Variants in TANC2 observed in about 807,000 individuals in gnomAD.
TANC2 encodes tetratricopeptide repeat, ankyrin repeat and coiled-coil containing 2, also known as protein TANC2.
A neutral mutation model predicts 210.5 loss-of-function variants in TANC2; 26 were observed. The ratio of observed to expected loss-of-function variants is 0.12; its 90% confidence interval spans 0.09 to 0.17. The LOEUF (loss-of-function observed/expected upper bound fraction) is 0.17. Ranked by LOEUF, TANC2 falls within the 10% of genes least tolerant of loss-of-function variation. TANC2 has a pLI of 1.00. For synonymous variants in TANC2, 931 were observed against 967.1 expected, an observed-to-expected ratio of 0.96 and a Z score of 0.69; for missense variants, 2,129 against 2,608.9, an observed-to-expected ratio of 0.82 and a Z score of 4.01.
chr17:63,013,420 A>C (rs1227572587), intron 2 of TANC2, among the ~76,000 whole-genome samples: 1 of 151,980 alleles, frequency 6.6e-6, no homozygotes. Context: ...CTAGATTTGT[A>C]CTGGTATGCC....
At position 63,421,833 on chromosome 17, in the gene TANC2, C is replaced by G; in HGVS notation, c.6103C>G (p.Arg2035Gly). ...CTCCTATCCCGACGTGAAGGTAGCT[C>G]GGACTCTACCTGTGGCTCAGGCATA... Residue 2035 changes from arginine to glycine, a missense_variant, in exon 28 of 28, where the codon CGG becomes GGG. Physicochemically the swap from Arg to Gly is moderately radical, Grantham distance 125 (BLOSUM62 -2). This residue lies in a region of TANC2 where 161 missense variants were observed against 178.6 expected (regional missense o/e 0.90). Transcript: ENST00000689528. This position sits in a 1 kb window ranked among gnomAD's most constrained non-coding sequence, Gnocchi z 6.9. 1.9e-6 allele frequency: 3 copies of G among 1,614,020 alleles called. No individual in the cohort carries two copies. The highest frequency in any genetic ancestry group is 2.5e-6 in the Non-Finnish European group (3 of 1,179,902).
At chr17:63,240,526 C>T (rs1200143052) in intron 8 of TANC2, among the ~76,000 whole-genome samples, 1 of 152,140 alleles carries the variant, frequency 6.6e-6, no homozygotes. Context: ...TCCCTTAGCC[C>T]CAAGTGTATC....
chr17:63,383,883 C>T (rs1169802131), intron 15 of TANC2, among the ~76,000 whole-genome samples: 1 of 152,000 alleles, frequency 6.6e-6, no homozygotes, highest in Admixed American at 6.6e-5. Context: ...AATGTGCACC[C>T]CAGCTAGTTG....
At chr17:62,996,224 A>G (rs1250711977) in intron 1 of TANC2, among the ~76,000 whole-genome samples, 4 of 152,222 alleles carry the variant, frequency 2.6e-5, no homozygotes, top group Admixed American at 2.6e-4. Flanking sequence ...CTGTTCAAGC[A>G]AACTAAATAT....
intron 1 of TANC2, among the ~76,000 whole-genome samples, chr17:62,992,296 C>T (rs1485378441): frequency 6.6e-6 from 1 of 152,150 alleles, no homozygotes; most frequent in African/African-American, 2.4e-5. Context: ...TTTAGGGTTG[C>T]ATAGACAAGA....
exon 4 of TANC2, chr17:63,099,345 A>G: frequency 6.5e-7 from 1 of 1,530,068 alleles, no homozygotes. Context: ...CCAGCCTGTG[A>G]AGAAGTTAAC....
intron 21 of TANC2, among the ~76,000 whole-genome samples, chr17:63,408,144 A>G (rs1028914352): frequency 2.0e-5 from 3 of 152,248 alleles, no homozygotes; most frequent in African/African-American, 7.2e-5. Flanking sequence ...GTAATGGAAC[A>G]TATGAGGCAT....
chr17:63,084,168 T>C (rs913135530), intron 3 of TANC2, among the ~76,000 whole-genome samples: 4 of 152,206 alleles, frequency 2.6e-5, no homozygotes, highest in Non-Finnish European at 4.4e-5. Flanking sequence ...TTAATAGTTA[T>C]AGGCCTATTC....
At chr17:63,000,300 GTACT>G (rs1348885691) in intron 1 of TANC2, among the ~76,000 whole-genome samples, 2 of 152,118 alleles carry the variant, frequency 1.3e-5, no homozygotes, top group Non-Finnish European at 2.9e-5. Context: ...TAGTACAGAA[GTACT>G]TAATAGTTAA....
At chr17:63,338,027 C>T (rs569204518) in intron 11 of TANC2, among the ~76,000 whole-genome samples, 3 of 152,190 alleles carry the variant, frequency 2.0e-5, no homozygotes, top group African/African-American at 4.8e-5. Context: ...CATTGATGGG[C>T]GTTAAGGTTG....
At chr17:63,169,482 A>ATACT (rs2040327008) in intron 5 of TANC2, among the ~76,000 whole-genome samples, 1 of 152,114 alleles carries the variant, frequency 6.6e-6, no homozygotes, top group Admixed American at 6.6e-5. Flanking sequence ...CTTCTCCCTG[A>ATACT]TACTGTCTTG....
At chr17:63,404,900 G>A (rs984380406) in intron 19 of TANC2, among the ~76,000 whole-genome samples, 3 of 152,120 alleles carry the variant, frequency 2.0e-5, no homozygotes, top group African/African-American at 7.2e-5. Context: ...ATTTTCAATA[G>A]ATTTATTATT....
chr17:63,176,190 A>G (rs950904492), intron 5 of TANC2, among the ~76,000 whole-genome samples: 2 of 152,232 alleles, frequency 1.3e-5, no homozygotes, highest in Non-Finnish European at 2.9e-5. Flanking sequence ...TTACACACCT[A>G]TGTGTTTTCC....
At chr17:63,266,848 GGT>G (rs1187060845) in intron 8 of TANC2, among the ~76,000 whole-genome samples, 1 of 151,604 alleles carries the variant, frequency 6.6e-6, no homozygotes, top group Non-Finnish European at 1.5e-5. Flanking sequence ...CTTTTTTTGT[GGT>G]GTTATTGTTG....
At chr17:63,263,324 A>G (rs1290161026) in intron 8 of TANC2, among the ~76,000 whole-genome samples, 1 of 152,198 alleles carries the variant, frequency 6.6e-6, no homozygotes, top group Non-Finnish European at 1.5e-5. Context: ...TTATAACTAA[A>G]TGAAGATCAA....
At chr17:62,986,416 C>T (rs367608091) in intron 1 of TANC2, among the ~76,000 whole-genome samples, 1 of 152,142 alleles carries the variant, frequency 6.6e-6, no homozygotes, top group African/African-American at 2.4e-5. Context: ...CTTGGCTGAC[C>T]TGGGGATGTG....
chr17:63,207,971 A>C (rs117091519), intron 7 of TANC2, among the ~76,000 whole-genome samples: 1,647 of 152,324 alleles, frequency 0.011, 13 homozygotes, highest in Middle Eastern at 0.024. Context: ...TTTCTTGATT[A>C]CTGATGAGGT....
In TANC2 at chr17:63,155,871, C is replaced by T. The variant is rs570298132; in HGVS notation, c.433+4491C>T. Among the ~76,000 whole-genome samples the T allele has an allele frequency of 3.9e-5, 6 of 152,182 alleles. No homozygotes were observed. The South Asian group carries it at 1.2e-3, about 32-fold the overall frequency. On this transcript the variant is annotated intron_variant, in intron 5 of 27. Transcript: ENST00000689528. ...ATTTGGATTTTTTATCTGTATTGTA[C>T]ATTCTATAGCATAAGCACAAGCCAT...
At chr17:63,001,425 A>T (rs961415108) in intron 1 of TANC2, among the ~76,000 whole-genome samples, 1 of 152,058 alleles carries the variant, frequency 6.6e-6, no homozygotes, top group African/African-American at 2.4e-5. Context: ...GTCTTTGCTC[A>T]GTTTATTTAC....
Sources: allele counts gnomAD v4.1 joint callset (sites outside exome capture counted in the v4.1 genomes callset), GRCh38; gene constraint gnomAD v4.1.1; regional missense constraint gnomAD v4.1.1; non-coding constraint Gnocchi (gnomAD v3.1); transcripts MANE v1.5; gene names NCBI Gene and HGNC (gene_info 2026-07-23, HGNC 2026-07-21).